Variants in TOP3B observed in about 807,000 individuals in gnomAD.
TOP3B encodes DNA topoisomerase III beta, also known as DNA topoisomerase 3-beta-1.
A neutral mutation model predicts 93.9 loss-of-function variants in TOP3B; 45 were observed. The observed-to-expected ratio is 0.48, with a 90% CI of 0.38 to 0.61. The LOEUF is 0.61. Ranked by LOEUF, TOP3B falls within the 20% of genes least tolerant of loss-of-function variation. The probability of loss-of-function intolerance (pLI) is 0.00; values close to 1 mark genes in which losing one functional copy is unlikely to be tolerated. For synonymous variants in TOP3B, 357 were observed against 472.6 expected (o/e 0.76, Z 3.17); for missense variants, 750 against 1,156.1 (o/e 0.65, Z 5.09).
intron 13 of TOP3B, 187 bp from the exon 14 acceptor site, chr22:21,960,636 T>A: frequency 2.6e-6 from 2 of 765,606 alleles, no homozygotes; most frequent in Non-Finnish European, 4.1e-6. Context: ...CATTTCATGT[T>A]CTGCCTTGAG....
At chr22:21,973,139 A>C in intron 3 of TOP3B, 1 of 263,658 alleles carries the variant, frequency 3.8e-6, no homozygotes, top group Non-Finnish European at 7.4e-6. Context: ...TCCACCCAGC[A>C]CTCTGTGGGG....
At chr22:21,968,915 GA>G (rs975641637) in intron 6 of TOP3B, 140 bp from the exon 7 acceptor site, 4 of 842,938 alleles carry the variant, frequency 4.7e-6, no homozygotes, top group Middle Eastern at 2.7e-4. Context: ...AAGCCAGTGG[GA>G]GCAGAGTGGG....
intron 3 of TOP3B, chr22:21,974,141 G>A (rs1384160734): frequency 6.2e-6 from 3 of 483,150 alleles, no homozygotes; most frequent in Admixed American, 3.6e-5. Flanking sequence ...CGACTAAGGG[G>A]TGCCGCTATG....
Position 21,967,599 on chromosome 22 carries a change from AC to A in TOP3B, c.852+3del. The A allele has an allele frequency of 6.2e-7, 1 of 1,613,602 alleles. No individual in the cohort carries two copies. The highest frequency in any genetic ancestry group is 8.5e-7 in the Non-Finnish European group (1 of 1,179,494). On this transcript the variant is annotated splice_donor_region_variant and intron_variant, in intron 8 of 17. Coordinates refer to ENST00000357179, the MANE Select transcript of TOP3B (RefSeq NM_001282112.2). ...TGTGATAGATGTGGGTGGAGCAGGC[AC>A]ACCTGGGCTTCCTTCTCCAGCTTTG...
chr22:21,970,226 C>A lies in TOP3B; in HGVS notation c.565G>T (p.Gly189Cys), dbSNP rs766232851. 2 of 1,612,036 alleles carry A rather than the reference C, an allele frequency of 1.2e-6. No homozygotes were observed. Among genetic ancestry groups the A allele is most frequent in the African/African-American group, 1.3e-5 (1 of 74,908 alleles). ...DARQELDLRI[G>C]CAFTRFQTKY... ...GGCCAGCACCTGGTGAATGCACAGC[C>A]GATTCGCAGGTCCAGCTCCTGGCGA... is the stretch of plus-strand genomic sequence containing the variant. Residue 189 changes from glycine to cysteine, a missense_variant, in exon 6 of 18, where the codon GGC (glycine) becomes TGC (cysteine). Physicochemically the swap from Gly to Cys is radical, Grantham distance 159 (BLOSUM62 -3). Around this residue, in one of 4 missense-constraint regions of TOP3B, gnomAD observed 737 missense variants for 933.7 expected, o/e 0.79. Transcript: ENST00000357179. This position sits in a 1 kb window ranked among gnomAD's most constrained non-coding sequence, Gnocchi z 4.4.
chr22:21,974,492 G>C lies in TOP3B; in HGVS notation c.71-4C>G, dbSNP rs1221792797. ...CCTTTGTGTGAGGACAGGCTCCCTG[G>C]GGATGAGGAAGCACAAAGTGACTGG... is the stretch of plus-strand genomic sequence containing the variant. On this transcript the variant is annotated splice_region_variant and splice_polypyrimidine_tract_variant and intron_variant, in intron 2 of 17. Transcript: ENST00000357179. 3 of 1,601,186 alleles carry C rather than the reference G, an allele frequency of 1.9e-6. No homozygotes were observed. The East Asian group carries it at 6.8e-5, about 36-fold the overall frequency.
At chr22:21,967,866 G>T (rs946852534) in intron 7 of TOP3B, 150 bp from the exon 8 acceptor site, 4 of 618,130 alleles carry the variant, frequency 6.5e-6, no homozygotes, top group Non-Finnish European at 8.6e-6. Flanking sequence ...TGTTCAGGTG[G>T]GCAGATACGC....
In TOP3B at chr22:21,959,193, G is replaced by A. The variant is rs1389319786; in HGVS notation, c.1844C>T (p.Ala615Val). 10 of 1,613,372 alleles carry A rather than the reference G, an allele frequency of 6.2e-6. No individual in the cohort carries two copies. The Admixed American group carries it at 6.7e-5, about 11-fold the overall frequency. Residue 615 changes from alanine to valine, a missense_variant, in exon 16 of 18, where the codon GCG becomes GTG. Physicochemically the swap from Ala to Val is moderately conservative, Grantham distance 64. Coordinates refer to ENST00000357179, the MANE Select transcript of TOP3B (RefSeq NM_001282112.2). ...GCGTGAGAGGGGCTTGCCTGTGGCC[G>A]CCAGGGGCGAGAAAGACACCTCCAT... Reference protein sequence around the residue: ...ELMEVSFSPLAATGKPLSRCG... With the variant: ...ELMEVSFSPLVATGKPLSRCG...
intron 1 of TOP3B, among the ~76,000 whole-genome samples, chr22:21,978,233 G>A (rs2071963128): frequency 1.3e-5 from 2 of 152,048 alleles, no homozygotes; most frequent in African/African-American, 2.4e-5. Context: ...CTGGGATGGC[G>A]GGACATGGGA....
intron 13 of TOP3B, chr22:21,961,064 G>A (rs1460458939): frequency 6.5e-6 from 1 of 153,962 alleles, no homozygotes; most frequent in Non-Finnish European, 1.4e-5. Flanking sequence ...CCAGTCAGAG[G>A]GGCAGAAAGG....
chr22:21,967,552 G>A, intron 8 of TOP3B, 51 bp downstream of exon 8: 1 of 1,475,736 alleles, frequency 6.8e-7, no homozygotes, highest in South Asian at 1.1e-5. Flanking sequence ...GGCATCCAAG[G>A]GCCACCCTCA....
chr22:21,979,738 A>G (rs555085221), intron 1 of TOP3B, among the ~76,000 whole-genome samples: 63 of 151,842 alleles, frequency 4.1e-4, no homozygotes, highest in East Asian at 2.1e-3. Flanking sequence ...TCAGGAGATC[A>G]AGACCATCCT....
intron 2 of TOP3B, chr22:21,975,311 T>C: frequency 4.4e-6 from 1 of 228,548 alleles, no homozygotes; most frequent in Non-Finnish European, 8.8e-6. Context: ...AGACCTTGAC[T>C]GGGGTGTAGT....
intron 7 of TOP3B, chr22:21,968,026 G>T: frequency 2.8e-6 from 1 of 360,594 alleles, no homozygotes; most frequent in Non-Finnish European, 5.2e-6. Context: ...TGCCTGGCCA[G>T]TGGTAGGTAT....
chr22:21,970,142 A>C lies in TOP3B; in HGVS notation c.581+68T>G. The C allele has an allele frequency of 6.4e-7, 1 of 1,563,648 alleles. No individual in the cohort carries two copies. The highest frequency in any genetic ancestry group is 1.7e-5 in the Admixed American group (1 of 58,702). On this transcript the variant is annotated intron_variant, in intron 6 of 17. Transcript: ENST00000357179. The surrounding 1 kb of genome is among the most constrained non-coding windows in gnomAD (Gnocchi z 4.4). ...GGCCTAGGGGCCCCGGAGGGGGACCAGTAGAGGCAGGTCTCTGGCTGAGGG... is the reference window on the plus strand; with the variant it reads ...GGCCTAGGGGCCCCGGAGGGGGACCCGTAGAGGCAGGTCTCTGGCTGAGGG...
intron 14 of TOP3B, 95 bp from the exon 15 acceptor site, chr22:21,959,831 C>T: frequency 1.3e-6 from 2 of 1,504,862 alleles, no homozygotes; most frequent in African/African-American, 1.4e-5. Context: ...GTTCACCCCT[C>T]CCGCTCTGGC....
Position 21,971,819 on chromosome 22 carries a change from G to T in TOP3B, c.384+58C>A. On this transcript the variant is annotated intron_variant, in intron 5 of 17. Transcript: ENST00000357179. This position sits in a 1 kb window ranked among gnomAD's most constrained non-coding sequence, Gnocchi z 4.6. ...GTGATGTGACTGACTGCTGGTGTCAGTTTGGGGCTGGTGTCAGAAAGGCCA... is the reference window on the plus strand; with the variant it reads ...GTGATGTGACTGACTGCTGGTGTCATTTTGGGGCTGGTGTCAGAAAGGCCA... 2 of 1,530,858 alleles carry T rather than the reference G, an allele frequency of 1.3e-6. No homozygotes were observed. Among genetic ancestry groups the T allele is most frequent in the Non-Finnish European group, 1.8e-6 (2 of 1,104,696 alleles). The allele number at this position is 1,530,858 out of a possible 1,614,324, so 94.8% of individuals were successfully genotyped here. A position where few individuals can be genotyped will look rare whatever the true frequency, so the allele number is the denominator to read the frequency against.
rs1199502626 is a variant in TOP3B at position 21,967,665 on chromosome 22, C to G, written c.790G>C (p.Val264Leu). 5.8e-5 allele frequency: 93 copies of G among 1,614,090 alleles called. No homozygotes were observed. The East Asian group carries it at 2.0e-3, about 35-fold the overall frequency. ...ATCTGTGCGATCTCCCGGTCAAACA[C>G]TCTTACTCGGTCCCAGTCCAAAAGG... ...SLLLDWDRVR[V>L]FDREIAQMFL... The change falls in exon 8 of 18, where the codon GTG becomes CTG. Residue 264 changes from valine (V) to leucine (L), a missense_variant. Around this residue, in one of 4 missense-constraint regions of TOP3B, gnomAD observed 737 missense variants for 933.7 expected, o/e 0.79. Coordinates refer to ENST00000357179, the MANE Select transcript of TOP3B (RefSeq NM_001282112.2).
At chr22:21,960,120 C>T in intron 14 of TOP3B, 1 of 807,392 alleles carries the variant, frequency 1.2e-6, no homozygotes, top group Middle Eastern at 3.7e-4. Flanking sequence ...TCTGTTCAGC[C>T]TTCAAACACA....
Sources: gnomAD v4.1 joint callset for allele counts (sites outside exome capture counted in the v4.1 genomes callset) on GRCh38, gnomAD v4.1.1 for gene constraint, gnomAD v4.1.1 regional missense constraint, Gnocchi (gnomAD v3.1) non-coding constraint, MANE v1.5 for transcripts, NCBI Gene and HGNC (gene_info 2026-07-23, HGNC 2026-07-21) for gene names.